GPC6: variants seen among roughly 807,000 people sequenced by gnomAD.
GPC6 encodes glypican 6.
A neutral mutation model predicts 55.2 loss-of-function variants in GPC6; 14 were observed. That is an observed-to-expected ratio of 0.25 (90% CI 0.17 to 0.40). GPC6 has a LOEUF of 0.40. Among genes scored for constraint, GPC6 ranks in the 10% least tolerant of loss-of-function variants. The pLI, the probability that GPC6 is intolerant of heterozygous loss-of-function variation, is 1.00. For missense variants in GPC6, 641 were observed against 708.5 expected, an observed-to-expected ratio of 0.90 and a Z score of 1.08; for synonymous variants, 278 against 259.6, an observed-to-expected ratio of 1.07 and a Z score of -0.68.
intron 2 of GPC6, among the ~76,000 whole-genome samples, chr13:93,703,385 G>C (rs543191048): frequency 1.3e-5 from 2 of 151,984 alleles, no homozygotes; most frequent in South Asian, 4.1e-4. Context: ...AATTATAAAA[G>C]TTTGGAATAT....
At chr13:93,474,214 G>A (rs1206165187) in intron 1 of GPC6, among the ~76,000 whole-genome samples, 1 of 152,156 alleles carries the variant, frequency 6.6e-6, no homozygotes, top group Non-Finnish European at 1.5e-5. Flanking sequence ...AAGTTTTCAA[G>A]TCTTCACAGT....
At chr13:93,664,437 A>T (rs909296358) in intron 2 of GPC6, among the ~76,000 whole-genome samples, 9 of 152,232 alleles carry the variant, frequency 5.9e-5, no homozygotes, top group African/African-American at 1.9e-4. Flanking sequence ...AAATCAGAGC[A>T]TTTCCCTTGT....
chr13:94,210,157 A>G (rs547243663), intron 4 of GPC6, among the ~76,000 whole-genome samples: 136 of 137,716 alleles, frequency 9.9e-4, no homozygotes, highest in African/African-American at 3.4e-3. Context: ...TGTATGTTTA[A>G]TTTTTTTTTT....
rs185885546 is a variant in GPC6, at chr13:93,799,063, A to G, written c.320-31091A>G. 3.9e-3 allele frequency among the ~76,000 whole-genome samples: 592 copies of G among 152,306 alleles called. 4 individuals are homozygous for G. Among genetic ancestry groups the G allele is most frequent in the South Asian group, 8.9e-3 (43 of 4,810 alleles). On this transcript the variant is annotated intron_variant, in intron 2 of 8. Transcript: ENST00000377047. ...TTATCACTTCATGACCAAGTGTTGA[A>G]CACCTAATCTGCTACTAAAATCTGT...
chr13:93,546,433 G>A (rs1336274320), intron 2 of GPC6, among the ~76,000 whole-genome samples: 1 of 152,040 alleles, frequency 6.6e-6, no homozygotes, highest in South Asian at 2.1e-4. Flanking sequence ...TTTCAAATTG[G>A]TTCTCAAAGT....
At chr13:93,499,118 C>CACACAG (rs1376938190) in intron 1 of GPC6, among the ~76,000 whole-genome samples, 1 of 151,228 alleles carries the variant, frequency 6.6e-6, no homozygotes, top group Non-Finnish European at 1.5e-5. Flanking sequence ...CACACACACA[C>CACACAG]AGAAACACAT....
At chr13:93,847,325 A>G (rs535820716) in intron 3 of GPC6, among the ~76,000 whole-genome samples, 19 of 152,242 alleles carry the variant, frequency 1.2e-4, no homozygotes, top group Admixed American at 1.1e-3. Flanking sequence ...ATAAATGCCC[A>G]ATTATGATCA....
chr13:93,316,481 G>T (rs1177554946), intron 1 of GPC6, among the ~76,000 whole-genome samples: 2 of 152,012 alleles, frequency 1.3e-5, no homozygotes, highest in African/African-American at 4.8e-5. Context: ...AAATTATTGT[G>T]CAGGTTGAAT....
At chr13:93,874,456 A>C (rs928504945) in intron 3 of GPC6, among the ~76,000 whole-genome samples, 1 of 151,196 alleles carries the variant, frequency 6.6e-6, no homozygotes, top group African/African-American at 2.4e-5. Flanking sequence ...CCACTGATGG[A>C]TGTTTAGGTT....
intron 1 of GPC6, among the ~76,000 whole-genome samples, chr13:93,504,238 T>C (rs1594218710): frequency 6.6e-6 from 1 of 152,144 alleles, no homozygotes; most frequent in East Asian, 1.9e-4. Context: ...GTTATTTTGA[T>C]ATATGGTTTA....
intron 1 of GPC6, among the ~76,000 whole-genome samples, chr13:93,317,191 A>G (rs2139117548): frequency 6.6e-6 from 1 of 152,212 alleles, no homozygotes; most frequent in African/African-American, 2.4e-5. Flanking sequence ...AGATTTTAGC[A>G]ATTCTTTCAT....
intron 4 of GPC6, among the ~76,000 whole-genome samples, chr13:94,146,381 A>G (rs1887563744): frequency 6.6e-6 from 1 of 152,176 alleles, no homozygotes; most frequent in South Asian, 2.1e-4. Flanking sequence ...AGTCTCACCA[A>G]TCAAGTATTT....
At chr13:93,385,565 A>G (rs1248006144) in intron 1 of GPC6, among the ~76,000 whole-genome samples, 5 of 152,216 alleles carry the variant, frequency 3.3e-5, no homozygotes, top group African/African-American at 1.2e-4. Context: ...GGGTAGAAAG[A>G]AGTGGACGGG....
intron 4 of GPC6, among the ~76,000 whole-genome samples, chr13:94,072,502 T>C (rs767988929): frequency 6.6e-6 from 1 of 152,116 alleles, no homozygotes; most frequent in Non-Finnish European, 1.5e-5. Context: ...TACAGGCACG[T>C]GCTGCCACGT....
intron 2 of GPC6, among the ~76,000 whole-genome samples, chr13:93,616,299 A>G (rs1878718959): frequency 3.9e-5 from 6 of 152,122 alleles, no homozygotes; most frequent in Admixed American, 3.3e-4. Context: ...GGAACAGAGG[A>G]TGTACGAATA....
At chr13:94,251,924 C>T (rs1891363008) in intron 4 of GPC6, among the ~76,000 whole-genome samples, 2 of 152,104 alleles carry the variant, frequency 1.3e-5, no homozygotes, top group Admixed American at 6.6e-5. Flanking sequence ...GCTAGGTCTA[C>T]ATCACAGCTG....
chr13:94,275,577 G>T (rs1892176414), intron 4 of GPC6, among the ~76,000 whole-genome samples: 1 of 151,900 alleles, frequency 6.6e-6, no homozygotes, highest in South Asian at 2.1e-4. Flanking sequence ...CAAATGATTG[G>T]TAAATTTAAC....
At chr13:93,225,996 A>T (rs532069941), upstream of GPC6, among the ~76,000 whole-genome samples, 1 of 152,366 alleles carries the variant, frequency 6.6e-6, no homozygotes, top group East Asian at 1.9e-4. Flanking sequence ...CATTAGCATA[A>T]CAAAGTCAAT....
At chr13:93,355,366 A>G (rs1880808565) in intron 1 of GPC6, among the ~76,000 whole-genome samples, 1 of 152,208 alleles carries the variant, frequency 6.6e-6, no homozygotes, top group Non-Finnish European at 1.5e-5. Flanking sequence ...AAGCTAAGTG[A>G]TAGATTCAAA....
Sources: allele counts gnomAD v4.1 joint callset (sites outside exome capture counted in the v4.1 genomes callset), GRCh38; gene constraint gnomAD v4.1.1; transcripts MANE v1.5; gene names NCBI Gene and HGNC (gene_info 2026-07-23, HGNC 2026-07-21).